CACNB2: variants seen among roughly 807,000 people sequenced by gnomAD.
CACNB2 encodes the protein calcium voltage-gated channel auxiliary subunit beta 2, also known as voltage-dependent L-type calcium channel subunit beta-2.
CACNB2 carries 42 observed loss-of-function variants against 73.3 expected under a neutral mutation model. The observed-to-expected ratio is 0.57, with a 90% CI of 0.45 to 0.74. CACNB2 has a LOEUF of 0.74. Ranked by LOEUF, CACNB2 falls within the 30% of genes least tolerant of loss-of-function variation. CACNB2 has a pLI of 0.00. For missense variants in CACNB2, 940 were observed against 853.0 expected (o/e 1.10, Z -1.27); for synonymous variants, 348 against 310.3 (o/e 1.12, Z -1.28).
chr10:18,468,932 ATATACAGCCAGGTGGT>A (rs1229446812), intron 3 of CACNB2, among the ~76,000 whole-genome samples: 2 of 152,176 alleles, frequency 1.3e-5, no homozygotes, highest in Admixed American at 6.5e-5. Context: ...GCCATAAGTG[ATATACAGCCAGGTGGT>A]TACTATAAAA....
At chr10:18,409,928 T>C (rs1009767986) in intron 3 of CACNB2, among the ~76,000 whole-genome samples, 1 of 152,160 alleles carries the variant, frequency 6.6e-6, no homozygotes, top group Non-Finnish European at 1.5e-5. Flanking sequence ...GCTATCCTTC[T>C]GATTGTCTGA....
rs1305082567 is a variant in CACNB2 at position 18,140,694 on chromosome 10, C to T, written c.-43C>T. On this transcript the variant is annotated 5_prime_UTR_variant, in exon 1 of 14. Coordinates refer to ENST00000324631, the MANE Select transcript of CACNB2 (RefSeq NM_201596.3). ...GCGGGGGCGAGGAGGAGGGGACCCGCCGCCGGGGGCTGGCTGCTTCGCTCC... is the reference window on the plus strand; with the variant it reads ...GCGGGGGCGAGGAGGAGGGGACCCGTCGCCGGGGGCTGGCTGCTTCGCTCC... The T allele has an allele frequency of 1.3e-6, 2 of 1,559,008 alleles. No homozygotes were observed. The highest frequency in any genetic ancestry group is 2.3e-5 in the South Asian group (2 of 85,886).
chr10:18,535,705 G>A (rs974264324), intron 11 of CACNB2, among the ~76,000 whole-genome samples: 10 of 151,952 alleles, frequency 6.6e-5, no homozygotes, highest in South Asian at 4.2e-4. Flanking sequence ...CCTGGGAGGT[G>A]GAGCTTGCAG....
intron 2 of CACNB2, among the ~76,000 whole-genome samples, chr10:18,249,319 A>G (rs749955278): frequency 2.6e-5 from 4 of 152,162 alleles, no homozygotes; most frequent in Non-Finnish European, 5.9e-5. Context: ...CTTTGCTCCT[A>G]CAATTATCTG....
chr10:18,299,920 C>G (rs146566240), intron 2 of CACNB2, among the ~76,000 whole-genome samples: 3 of 152,288 alleles, frequency 2.0e-5, no homozygotes, highest in Admixed American at 6.5e-5. Flanking sequence ...TTAGTCTGGC[C>G]TTCAGGAACA....
At chr10:18,509,024 T>C (rs2050629165) in intron 6 of CACNB2, among the ~76,000 whole-genome samples, 1 of 152,234 alleles carries the variant, frequency 6.6e-6, no homozygotes, top group South Asian at 2.1e-4. Context: ...ACCAAGGTTT[T>C]GTAGAGATAC....
At chr10:18,399,405 G>C (rs751495423) in intron 2 of CACNB2, among the ~76,000 whole-genome samples, 1 of 152,078 alleles carries the variant, frequency 6.6e-6, no homozygotes, top group Non-Finnish European at 1.5e-5. Flanking sequence ...ATTAATTTAC[G>C]TCAAGATACC....
At chr10:18,221,803 A>G (rs1229533326) in intron 2 of CACNB2, among the ~76,000 whole-genome samples, 2 of 152,206 alleles carry the variant, frequency 1.3e-5, no homozygotes, top group African/African-American at 4.8e-5. Context: ...CTCCTCTAGT[A>G]TAGTTTTCTT....
intron 2 of CACNB2, among the ~76,000 whole-genome samples, chr10:18,276,937 C>T (rs1355152739): frequency 6.6e-6 from 1 of 152,092 alleles, no homozygotes; most frequent in African/African-American, 2.4e-5. Context: ...CATAACGAAA[C>T]CCCCATCTCC....
At chr10:18,356,274 A>T (rs191633189) in intron 2 of CACNB2, among the ~76,000 whole-genome samples, 31 of 152,256 alleles carry the variant, frequency 2.0e-4, no homozygotes, top group Non-Finnish European at 2.8e-4. Flanking sequence ...CCCACTTTGC[A>T]TCACGCTAGC....
chr10:18,220,110 AATATATAT>A (rs1165921150), intron 2 of CACNB2, among the ~76,000 whole-genome samples: 786 of 32,686 alleles, frequency 0.024, 19 homozygotes, highest in Non-Finnish European at 0.03. Context: ...TTTATTTTTT[AATATATAT>A]ATATATATAT....
intron 2 of CACNB2, among the ~76,000 whole-genome samples, chr10:18,380,030 A>G (rs1325426845): frequency 6.6e-6 from 1 of 152,114 alleles, no homozygotes; most frequent in African/African-American, 2.4e-5. Context: ...TACACTGGGG[A>G]TTTCATATAC....
chr10:18,350,534 C>A (rs985432541), intron 2 of CACNB2, among the ~76,000 whole-genome samples: 1 of 152,136 alleles, frequency 6.6e-6, no homozygotes, highest in Non-Finnish European at 1.5e-5. Context: ...CTAGAGCAGC[C>A]GACGTTCCCT....
In CACNB2 at chr10:18,140,437, C is replaced by G. The variant is rs1381304066; in HGVS notation, c.-300C>G. Among the ~76,000 whole-genome samples, 1 of 151,922 alleles carries G rather than the reference C, an allele frequency of 6.6e-6. No individual in the cohort carries two copies. The highest frequency in any genetic ancestry group is 1.9e-4 in the East Asian group (1 of 5,132). ...GCTCCGATCCCCGCCGCGCTGCGCC[C>G]GCTCTCCCGGCCCCGGCTGCCCCGC... On this transcript the variant is annotated 5_prime_UTR_variant, in exon 1 of 14. Coordinates refer to ENST00000324631, the MANE Select transcript of CACNB2 (RefSeq NM_201596.3).
chr10:18,143,573 A>G (rs577760879), intron 1 of CACNB2, among the ~76,000 whole-genome samples: 7 of 152,342 alleles, frequency 4.6e-5, no homozygotes, highest in Admixed American at 3.3e-4. Context: ...AATTGCGTTC[A>G]TCTCACACCC....
intron 3 of CACNB2, among the ~76,000 whole-genome samples, chr10:18,468,175 A>AC (rs1182582088): frequency 6.6e-6 from 1 of 152,116 alleles, no homozygotes; most frequent in Admixed American, 6.6e-5. Flanking sequence ...ACTTAAATAT[A>AC]CAGGCCAGGT....
intron 2 of CACNB2, among the ~76,000 whole-genome samples, chr10:18,183,750 G>A (rs984662563): frequency 1.3e-5 from 2 of 152,208 alleles, no homozygotes; most frequent in African/African-American, 4.8e-5. Flanking sequence ...AACCGTATCA[G>A]CCACATATAT....
At position 18,424,414 on chromosome 10, in the gene CACNB2, C is replaced by T. The variant is rs181263142; in HGVS notation, c.333+22371C>T. Among the ~76,000 whole-genome samples, 249 of 152,142 alleles carry T rather than the reference C, an allele frequency of 1.6e-3. 1 individual carries two copies. The highest frequency in any genetic ancestry group is 6.8e-3 in the Middle Eastern group (2 of 294). The stretch of plus-strand genomic sequence containing the variant: ...AAGGGAGAAGTAGTAATCATTGGGT[C>T]ATTGCCACGGAAAGGTGTGGTAACG... On this transcript the variant is annotated intron_variant, in intron 3 of 13. Transcript: ENST00000324631.
intron 2 of CACNB2, chr10:18,224,226 C>T (rs2035899489): frequency 6.6e-6 from 1 of 151,926 alleles, no homozygotes; most frequent in African/African-American, 2.4e-5. Context: ...TGAACAACTG[C>T]TTTAAACACA....
Sources: allele counts gnomAD v4.1 joint callset (sites outside exome capture counted in the v4.1 genomes callset), GRCh38; gene constraint gnomAD v4.1.1; transcripts MANE v1.5; gene names NCBI Gene and HGNC (gene_info 2026-07-23, HGNC 2026-07-21).